Variants in BRD3 observed in about 807,000 individuals in gnomAD.
BRD3 encodes the protein bromodomain-containing protein 3.
Under a neutral mutation model 66.8 loss-of-function variants are expected in BRD3, and 17 were observed. The ratio of observed to expected loss-of-function variants is 0.25; its 90% confidence interval spans 0.17 to 0.38. BRD3 has a LOEUF of 0.38. BRD3 is among the 10% of genes least tolerant of loss of function. The probability of loss-of-function intolerance (pLI) is 1.00; values close to 1 mark genes in which losing one functional copy is unlikely to be tolerated. For missense variants in BRD3, 713 were observed against 956.1 expected, an observed-to-expected ratio of 0.75 and a Z score of 3.35; for synonymous variants, 421 against 393.2, an observed-to-expected ratio of 1.07 and a Z score of -0.84.
In BRD3 at chr9:134,052,462, G is replaced by C. The variant is rs184712306; in HGVS notation, c.214-19C>G. On this transcript the variant is annotated intron_variant, in intron 2 of 11. Transcript: ENST00000303407. Reference sequence around the variant, plus strand: ...GATAATCCTAGGAAAGAGATTTTCAGAGGCATTACCAGAAGATTCTACATA... The same window carrying C: ...GATAATCCTAGGAAAGAGATTTTCACAGGCATTACCAGAAGATTCTACATA... 1.3e-6 allele frequency: 2 copies of C among 1,593,466 alleles called. No individual in the cohort carries two copies. The highest frequency in any genetic ancestry group is 2.2e-5 in the East Asian group (1 of 44,814).
intron 4 of BRD3, among the ~76,000 whole-genome samples, chr9:134,051,027 T>C (rs1830282435): frequency 6.6e-6 from 1 of 152,140 alleles, no homozygotes; most frequent in Admixed American, 6.5e-5. Context: ...AGTCAGCCTC[T>C]CCACCCAGAC....
In BRD3 at chr9:134,053,304, G is replaced by A. The variant is rs138440778; in HGVS notation, c.174C>T (p.Pro58=). 1,075 of 1,613,664 alleles carry A rather than the reference G, an allele frequency of 6.7e-4. 2 individuals are homozygous for A. The highest frequency in any genetic ancestry group is 4.0e-3 in the Middle Eastern group (24 of 6,062). ...TGATTGCGTCCACGGGCTGGTAGAAGGGCCAGGCGAACTGGTGTTTCCAGA... is the reference window on the plus strand; with the variant it reads ...TGATTGCGTCCACGGGCTGGTAGAAAGGCCAGGCGAACTGGTGTTTCCAGA... The part of the protein sequence containing the change: ...KTLWKHQFAW[P]FYQPVDAIKL... The change falls in exon 2 of 12, where the codon CCC becomes CCT. Residue 58 remains proline, a synonymous_variant. Coordinates refer to ENST00000303407, the MANE Select transcript of BRD3 (RefSeq NM_007371.4).
chr9:134,052,385 T>C lies in BRD3; in HGVS notation c.272A>G (p.Glu91Gly), dbSNP rs1370635791. The part of the protein sequence containing the change: ...MDMGTIKKRL[E>G]NNYYWSASEC... Reference sequence around the variant, plus strand: ...GCTTGCACTCCAATAATAATTATTTTCTAGTCTCTTCTTAATAGTCCCCAT... The same window carrying C: ...GCTTGCACTCCAATAATAATTATTTCCTAGTCTCTTCTTAATAGTCCCCAT... The change falls in exon 3 of 12, where the codon GAA (glutamate) becomes GGA (glycine). Residue 91 changes from glutamate (E) to glycine (G), a missense_variant. Physicochemically the swap from Glu to Gly is moderately conservative, Grantham distance 98. Around this residue, in one of 5 missense-constraint regions of BRD3, gnomAD observed 85 missense variants for 152.4 expected, o/e 0.56. Transcript: ENST00000303407. 6.2e-7 allele frequency: 1 copy of C among 1,612,948 alleles called. No individual in the cohort carries two copies. The highest frequency in any genetic ancestry group is 8.5e-7 in the Non-Finnish European group (1 of 1,179,612).
rs932717277 is a variant in BRD3, at chr9:134,049,620, A to G, written c.714+754T>C. 2.0e-5 allele frequency among the ~76,000 whole-genome samples: 3 copies of G among 152,358 alleles called. No homozygotes were observed. The South Asian group carries it at 6.2e-4, about 32-fold the overall frequency. On this transcript the variant is annotated intron_variant, in intron 5 of 11. Transcript: ENST00000303407. ...GAGGCGGCTTGACCAGGGGCCACCCATAAGTGCAGGCAGTGAAGGCCACGG... is the reference window on the plus strand; with the variant it reads ...GAGGCGGCTTGACCAGGGGCCACCCGTAAGTGCAGGCAGTGAAGGCCACGG...
intron 1 of BRD3, chr9:134,055,636 CCT>C (rs1282662858): frequency 6.6e-6 from 1 of 152,526 alleles, no homozygotes; most frequent in African/African-American, 2.4e-5. Context: ...CGGGCAGCAC[CCT>C]GACAGAAGGC....
chr9:134,063,779 C>T (rs533502627), intron 1 of BRD3, among the ~76,000 whole-genome samples: 78 of 152,312 alleles, frequency 5.1e-4, no homozygotes, highest in African/African-American at 1.9e-3. Flanking sequence ...AGATCACACC[C>T]GAGTCCACTG....
intron 1 of BRD3, among the ~76,000 whole-genome samples, chr9:134,063,945 T>C (rs1269411091): frequency 1.3e-5 from 2 of 152,084 alleles, no homozygotes; most frequent in Non-Finnish European, 2.9e-5. Context: ...ACGAACTCAG[T>C]ACCTTGGGGG....
intron 1 of BRD3, chr9:134,056,719 G>A (rs1319779850): frequency 6.6e-6 from 1 of 152,376 alleles, no homozygotes; most frequent in Non-Finnish European, 1.5e-5. Flanking sequence ...AGTCAGGTGA[G>A]AGCCCGGGGT....
rs199558496 is a variant in BRD3 at position 134,041,874 on chromosome 9, G to A, written c.1293C>T (p.Pro431=). The change falls in exon 8 of 12, where the codon CCC becomes CCT. Residue 431 remains proline, a synonymous_variant. Transcript: ENST00000303407. ...EAPALPAPAA[P]MVSKGAESSR... Reference sequence around the variant, plus strand: ...TGCTCTCAGCGCCCTTGCTCACCATGGGGGCCGCGGGGGCAGGCAGCGCCG... The same window carrying A: ...TGCTCTCAGCGCCCTTGCTCACCATAGGGGCCGCGGGGGCAGGCAGCGCCG... 6 of 1,611,846 alleles carry A rather than the reference G, an allele frequency of 3.7e-6. No homozygotes were observed. Among genetic ancestry groups the A allele is most frequent in the Non-Finnish European group, 5.1e-6 (6 of 1,179,216 alleles).
chr9:134,063,189 C>A (rs926496175), intron 1 of BRD3, among the ~76,000 whole-genome samples: 1 of 152,236 alleles, frequency 6.6e-6, no homozygotes, highest in African/African-American at 2.4e-5. Context: ...CCACAAATGC[C>A]GAGGACTGCA....
chr9:134,036,912 G>C (rs1280028074), intron 9 of BRD3, among the ~76,000 whole-genome samples: 1 of 152,144 alleles, frequency 6.6e-6, no homozygotes, highest in East Asian at 1.9e-4. Context: ...GCGGGAGGCT[G>C]AGGCAGGAGA....
chr9:134,058,178 C>G (rs886920919), intron 1 of BRD3: 1 of 152,330 alleles, frequency 6.6e-6, no homozygotes, highest in Non-Finnish European at 1.5e-5. Context: ...TCATGCCTCC[C>G]GCAGGCCACA....
At position 134,032,483 on chromosome 9, in the gene BRD3, A is replaced by C. The variant is rs1180188436; in HGVS notation, c.*1107T>G. 1.8e-5 allele frequency: 4 copies of C among 228,558 alleles called. No homozygotes were observed. Among genetic ancestry groups the C allele is most frequent in the Non-Finnish European group, 3.5e-5 (4 of 115,654 alleles). 14.2% of individuals were successfully genotyped at this position (228,558 alleles called of 1,614,324 possible). ...AAACCACAAAGAAAAAAACCAAAAA[A>C]CCCAACAAACCCAGGGGCGAGCGCG... On this transcript the variant is annotated 3_prime_UTR_variant, in exon 12 of 12. Transcript: ENST00000303407.
At chr9:134,048,746 G>A (rs951974335) in intron 5 of BRD3, among the ~76,000 whole-genome samples, 46 of 152,268 alleles carry the variant, frequency 3.0e-4, no homozygotes, top group Non-Finnish European at 1.6e-4. Context: ...CAGGGGTCCC[G>A]GGTGGGCTCG....
intron 7 of BRD3, among the ~76,000 whole-genome samples, chr9:134,044,880 C>T (rs1830135676): frequency 6.6e-6 from 1 of 152,250 alleles, no homozygotes; most frequent in Non-Finnish European, 1.5e-5. Flanking sequence ...ACACAAGCCA[C>T]TGTCACCTAA....
At chr9:134,046,568 T>C (rs1439181089) in intron 6 of BRD3, among the ~76,000 whole-genome samples, 2 of 152,188 alleles carry the variant, frequency 1.3e-5, no homozygotes, top group South Asian at 2.1e-4. Flanking sequence ...GGGGGCACAG[T>C]GGGACCTGGA....
At chr9:134,053,696 G>A in intron 1 of BRD3, 106 bp from the exon 2 acceptor site, 1 of 1,048,870 alleles carries the variant, frequency 9.5e-7, no homozygotes, top group Non-Finnish European at 1.3e-6. Context: ...CCTCAGCAGG[G>A]CCTGCTCCAC....
intron 1 of BRD3, among the ~76,000 whole-genome samples, chr9:134,056,322 G>A (rs1308160009): frequency 6.6e-6 from 1 of 152,158 alleles, no homozygotes; most frequent in Non-Finnish European, 1.5e-5. Context: ...AACAAGACCT[G>A]GAAGGCTGAG....
At position 134,033,896 on chromosome 9, in the gene BRD3, G is replaced by A. The variant is rs1446841128; in HGVS notation, c.2066-191C>T. 6.6e-6 allele frequency among the ~76,000 whole-genome samples: 1 copy of A among 152,142 alleles called. No homozygotes were observed. Among genetic ancestry groups the A allele is most frequent in the Non-Finnish European group, 1.5e-5 (1 of 68,006 alleles). ...GACTATCTGAATATACTTGAGACAG[G>A]AAAAAAATGAATGCAGACTACTAAC... On this transcript the variant is annotated intron_variant, in intron 11 of 11. Coordinates refer to ENST00000303407, the MANE Select transcript of BRD3 (RefSeq NM_007371.4). The surrounding 1 kb of genome is among the most constrained non-coding windows in gnomAD (Gnocchi z 5.1).
Sources: gnomAD v4.1 joint callset for allele counts (sites outside exome capture counted in the v4.1 genomes callset) on GRCh38, gnomAD v4.1.1 for gene constraint, gnomAD v4.1.1 regional missense constraint, Gnocchi (gnomAD v3.1) non-coding constraint, MANE v1.5 for transcripts, NCBI Gene and HGNC (gene_info 2026-07-23, HGNC 2026-07-21) for gene names.